PTPN14: variants seen among roughly 807,000 people sequenced by gnomAD.
PTPN14 encodes the protein tyrosine-protein phosphatase non-receptor type 14.
In PTPN14, 53 loss-of-function variants were observed where a neutral mutation model predicts 126.8. The ratio of observed to expected loss-of-function variants is 0.42; its 90% CI spans 0.34 to 0.53. The LOEUF is 0.53. Among genes scored for constraint, PTPN14 ranks in the 20% least tolerant of loss-of-function variants. The probability of loss-of-function intolerance (pLI) is 0.08; values close to 1 mark genes in which losing one functional copy is unlikely to be tolerated. For synonymous variants in PTPN14, 630 were observed against 599.3 expected (o/e 1.05, Z -0.75); for missense variants, 1,257 against 1,552.9 (o/e 0.81, Z 3.20).
At chr1:214,494,104 A>G in intron 1 of PTPN14, among the ~76,000 whole-genome samples, 1 of 151,062 alleles carries the variant, frequency 6.6e-6, no homozygotes, top group South Asian at 2.1e-4. Flanking sequence ...AGAGTCTCGC[A>G]CTGTCGCCCA....
intron 1 of PTPN14, among the ~76,000 whole-genome samples, chr1:214,479,065 G>A (rs1660926644): frequency 6.6e-6 from 1 of 151,396 alleles, no homozygotes; most frequent in South Asian, 2.1e-4. Flanking sequence ...GAATTTTTTG[G>A]TCTGGCACAG....
intron 1 of PTPN14, among the ~76,000 whole-genome samples, chr1:214,506,769 G>C (rs1366900385): frequency 6.6e-6 from 1 of 151,926 alleles, no homozygotes; most frequent in African/African-American, 2.4e-5. Context: ...TGTGAGGGGA[G>C]GGAGACCTCG....
intron 1 of PTPN14, among the ~76,000 whole-genome samples, chr1:214,494,886 A>G (rs557851554): frequency 2.3e-4 from 35 of 152,336 alleles, no homozygotes; most frequent in African/African-American, 6.3e-4. Flanking sequence ...CTTCACCACA[A>G]GTGAACCTGA....
rs1452055374 is a variant in PTPN14 at position 214,352,727 on chromosome 1, G to T, written c.*5195C>A. 6.6e-6 allele frequency: 1 copy of T among 152,180 alleles called. No individual in the cohort carries two copies. The highest frequency in any genetic ancestry group is 1.5e-5 in the Non-Finnish European group (1 of 68,048). 9.4% of individuals were successfully genotyped at this position (152,180 alleles called of 1,614,324 possible). The stretch of plus-strand genomic sequence containing the variant: ...AACCATAAGGCTGTAGGCCATTGGA[G>T]AATTTGTGTGGTTTCTACAGAAGAC... On this transcript the variant is annotated 3_prime_UTR_variant, in exon 19 of 19. Transcript: ENST00000366956.
At chr1:214,507,274 C>G (rs1339294622) in intron 1 of PTPN14, among the ~76,000 whole-genome samples, 1 of 152,136 alleles carries the variant, frequency 6.6e-6, no homozygotes, top group Non-Finnish European at 1.5e-5. Context: ...TAACCATTAA[C>G]CCACTGGCTA....
At position 214,491,038 on chromosome 1, in the gene PTPN14, A is replaced by G. The variant is rs144527642; in HGVS notation, c.-154-26081T>C. ...GAAAGGAAGAAAGGAAGGAAGGAAG[A>G]AAGAAAGAAAGAAAGAAAAACAAAG... is the stretch of plus-strand genomic sequence containing the variant. On this transcript the variant is annotated intron_variant, in intron 1 of 18. Transcript: ENST00000366956. Among the ~76,000 whole-genome samples the G allele has an allele frequency of 5.4e-5, 7 of 128,832 alleles. No individual in the cohort carries two copies. In the East Asian group the frequency reaches 5.9e-4, roughly 11 times the overall value. The allele number at this position is 128,832 out of a possible 152,430, so 84.5% of individuals were successfully genotyped here.
chr1:214,392,897 C>CG (rs1487996539), intron 10 of PTPN14, among the ~76,000 whole-genome samples: 1 of 152,210 alleles, frequency 6.6e-6, no homozygotes, highest in Non-Finnish European at 1.5e-5. Context: ...TACATACTCT[C>CG]GGATGTGTCC....
chr1:214,359,707 G>C (rs1657911497), intron 18 of PTPN14, among the ~76,000 whole-genome samples: 1 of 151,324 alleles, frequency 6.6e-6, no homozygotes, highest in Admixed American at 6.6e-5. Context: ...TTTGTGTAGA[G>C]ACGAGGTCTT....
chr1:214,370,682 T>C (rs1264264005), intron 16 of PTPN14, among the ~76,000 whole-genome samples: 3 of 152,330 alleles, frequency 2.0e-5, no homozygotes, highest in African/African-American at 7.2e-5. Flanking sequence ...TCTGAGAATA[T>C]GTATTCTCAA....
intron 3 of PTPN14, among the ~76,000 whole-genome samples, chr1:214,430,361 G>C (rs568018293): frequency 6.6e-6 from 1 of 152,218 alleles, no homozygotes; most frequent in South Asian, 2.1e-4. Context: ...CCCAATTCCA[G>C]GGACATCTCT....
chr1:214,394,264 T>C (rs1571971298), intron 9 of PTPN14, among the ~76,000 whole-genome samples: 1 of 152,028 alleles, frequency 6.6e-6, no homozygotes, highest in Admixed American at 6.5e-5. Flanking sequence ...TGCAATAGAA[T>C]CAGGGGTCAC....
At chr1:214,463,131 C>G (rs1304020994) in intron 2 of PTPN14, among the ~76,000 whole-genome samples, 1 of 152,158 alleles carries the variant, frequency 6.6e-6, no homozygotes, top group Non-Finnish European at 1.5e-5. Flanking sequence ...GCTACACTGT[C>G]CCCCGATGCA....
At chr1:214,500,606 T>C (rs1023802722) in intron 1 of PTPN14, among the ~76,000 whole-genome samples, 1 of 149,386 alleles carries the variant, frequency 6.7e-6, no homozygotes, top group Non-Finnish European at 1.5e-5. Context: ...CCTCCTAATG[T>C]TTCAGAACCA....
intron 1 of PTPN14, among the ~76,000 whole-genome samples, chr1:214,467,803 C>T (rs1321266183): frequency 2.0e-5 from 3 of 152,108 alleles, no homozygotes; most frequent in Non-Finnish European, 1.5e-5. Context: ...AATATATCTC[C>T]TAGAAAATAC....
At chr1:214,440,806 GCTGA>G (rs1049422877) in intron 3 of PTPN14, among the ~76,000 whole-genome samples, 3 of 152,232 alleles carry the variant, frequency 2.0e-5, no homozygotes, top group Non-Finnish European at 4.4e-5. Flanking sequence ...TGTAAATGCT[GCTGA>G]CTATTAACTC....
At position 214,407,033 on chromosome 1, in the gene PTPN14, G is replaced by A. The variant is rs1049068703; in HGVS notation, c.511-4080C>T. On this transcript the variant is annotated intron_variant, in intron 5 of 18. Transcript: ENST00000366956. The stretch of plus-strand genomic sequence containing the variant: ...CACTTCCCTCCCACCAAGCACGCTG[G>A]GAAACACCCTGACTTTTGGGATGAG... Among the ~76,000 whole-genome samples, 4 of 152,122 alleles carry A rather than the reference G, an allele frequency of 2.6e-5. No individual in the cohort carries two copies. In the South Asian group the frequency reaches 8.3e-4, roughly 32 times the overall value.
chr1:214,499,526 T>C (rs1259628918), intron 1 of PTPN14, among the ~76,000 whole-genome samples: 2 of 152,188 alleles, frequency 1.3e-5, no homozygotes, highest in Non-Finnish European at 2.9e-5. Flanking sequence ...CAAAAAGATT[T>C]GTACTTTTAA....
chr1:214,514,340 T>C (rs1368591530), intron 1 of PTPN14, among the ~76,000 whole-genome samples: 1 of 152,212 alleles, frequency 6.6e-6, no homozygotes, highest in Non-Finnish European at 1.5e-5. Flanking sequence ...ACATGCCGCA[T>C]GTATGGGTCC....
chr1:214,364,544 C>G lies in PTPN14; in HGVS notation c.3403G>C (p.Glu1135Gln), dbSNP rs150646672. The G allele has an allele frequency of 6.2e-7, 1 of 1,613,892 alleles. No homozygotes were observed. Among genetic ancestry groups the G allele is most frequent in the East Asian group, 2.2e-5 (1 of 44,834 alleles). Residue 1135 changes from glutamate to glutamine, a missense_variant, in exon 18 of 19, where the codon GAG (glutamate) becomes CAG (glutamine). Physicochemically the swap from Glu to Gln is conservative, Grantham distance 29. Coordinates refer to ENST00000366956, the MANE Select transcript of PTPN14 (RefSeq NM_005401.5). The surrounding 1 kb of genome is among the most constrained non-coding windows in gnomAD (Gnocchi z 4.1). ...VGRTGVLILSELMIYCLEHNE... is the reference protein window; with the variant it reads ...VGRTGVLILSQLMIYCLEHNE... Reference sequence around the variant, plus strand: ...TGTTCCAAGCAGTAGATCATCAGCTCAGAAAGAATGAGCACGCCGGTCCTT... The same window carrying G: ...TGTTCCAAGCAGTAGATCATCAGCTGAGAAAGAATGAGCACGCCGGTCCTT...
Sources: allele counts gnomAD v4.1 joint callset (sites outside exome capture counted in the v4.1 genomes callset), GRCh38; gene constraint gnomAD v4.1.1; non-coding constraint Gnocchi (gnomAD v3.1); transcripts MANE v1.5; gene names NCBI Gene and HGNC (gene_info 2026-07-23, HGNC 2026-07-21).